IQSEC1: variants seen among roughly 807,000 people sequenced by gnomAD.
IQSEC1 encodes IQ motif and SEC7 domain-containing protein 1.
A neutral mutation model predicts 91.0 loss-of-function variants in IQSEC1; 31 were observed. That is an observed-to-expected ratio of 0.34 (90% CI 0.26 to 0.46). The LOEUF is 0.46. Ranked by LOEUF, IQSEC1 falls within the 20% of genes least tolerant of loss-of-function variation. The pLI is 1.00. For missense variants in IQSEC1, 1,388 were observed against 1,575.6 expected (o/e 0.88, Z 2.02); for synonymous variants, 699 against 662.6 (o/e 1.05, Z -0.84).
intron 1 of IQSEC1, among the ~76,000 whole-genome samples, chr3:13,205,810 A>C: frequency 6.9e-6 from 1 of 145,728 alleles, no homozygotes; most frequent in Non-Finnish European, 1.5e-5. Flanking sequence ...CCACCCATCC[A>C]TCCTTCCATC....
chr3:13,152,089 C>G (rs772738701), intron 2 of IQSEC1, among the ~76,000 whole-genome samples: 1 of 152,214 alleles, frequency 6.6e-6, no homozygotes, highest in Non-Finnish European at 1.5e-5. Flanking sequence ...TCCCAAATAT[C>G]TAATTAGCAA....
At chr3:12,997,352 T>C (rs1043161533) in intron 1 of IQSEC1, among the ~76,000 whole-genome samples, 6 of 152,236 alleles carry the variant, frequency 3.9e-5, no homozygotes, top group Non-Finnish European at 5.9e-5. Context: ...ATGGAATGGA[T>C]ATGTGAGGCG....
intron 6 of IQSEC1, among the ~76,000 whole-genome samples, chr3:12,917,799 A>G (rs548877877): frequency 6.6e-6 from 1 of 152,350 alleles, no homozygotes; most frequent in South Asian, 2.1e-4. Flanking sequence ...CTGGCTTTCA[A>G]ACTATGTGAA....
At position 13,233,982 on chromosome 3, in the gene IQSEC1, A is replaced by C. The variant is rs376418105; in HGVS notation, c.272+48729T>G. Reference sequence around the variant, plus strand: ...AGGCCAGGCAGGTGAGTGCTGTTGAAGTGGGGGCTGCTGCAATGACTGACA... The same window carrying C: ...AGGCCAGGCAGGTGAGTGCTGTTGACGTGGGGGCTGCTGCAATGACTGACA... On this transcript the variant is annotated intron_variant, in intron 1 of 15. Coordinates refer to the IQSEC1 transcript ENST00000648114. Among the ~76,000 whole-genome samples, 21 of 152,336 alleles carry C rather than the reference A, an allele frequency of 1.4e-4. 2 individuals are homozygous for C. The highest frequency in any genetic ancestry group is 8.5e-4 in the Admixed American group (13 of 15,302).
chr3:12,943,294 C>G (rs1008153992), intron 1 of IQSEC1, among the ~76,000 whole-genome samples: 2 of 152,220 alleles, frequency 1.3e-5, no homozygotes, highest in Non-Finnish European at 2.9e-5. Context: ...GGGAGCAGTG[C>G]CCCTGGTGGG....
In IQSEC1 at chr3:13,282,607, G is replaced by T. The variant is rs1411021801; in HGVS notation, c.272+104C>A. 6.6e-5 allele frequency among the ~76,000 whole-genome samples: 10 copies of T among 151,648 alleles called. No individual in the cohort carries two copies. The highest frequency in any genetic ancestry group is 9.7e-5 in the African/African-American group (4 of 41,338). On this transcript the variant is annotated intron_variant, in intron 1 of 15. Transcript: ENST00000648114. The surrounding 1 kb of genome is among the most constrained non-coding windows in gnomAD (Gnocchi z 6.4). ...GTGGGCGCTCCCGGGCCGGCCACGC[G>T]CCCTCCCGCACCCGCCCACCTCCCC...
chr3:13,173,007 A>G (rs9822701), intron 1 of IQSEC1, among the ~76,000 whole-genome samples: 33,855 of 152,104 alleles, frequency 0.22, 5,264 homozygotes, highest in African/African-American at 0.44. Context: ...ATTTCAGGAG[A>G]AAGGAAAAAA....
At chr3:12,969,043 C>T (rs188461010) in intron 1 of IQSEC1, among the ~76,000 whole-genome samples, 3 of 152,322 alleles carry the variant, frequency 2.0e-5, no homozygotes, top group African/African-American at 7.2e-5. Flanking sequence ...GGTTCCGAGG[C>T]AAGAGGCTGA....
At chr3:12,945,976 C>T (rs1559658645) in intron 1 of IQSEC1, among the ~76,000 whole-genome samples, 2 of 152,200 alleles carry the variant, frequency 1.3e-5, no homozygotes, top group African/African-American at 4.8e-5. Context: ...ACACTCTGGG[C>T]TCTCAGCCCC....
chr3:13,072,185 G>A lies in IQSEC1; in HGVS notation c.23+807C>T, dbSNP rs1231809019. Reference sequence around the variant, plus strand: ...CACAGCCCCAAATGAGTGGGTCCTGGGCAAATAGTTTAGGCAGGTGGAGAC... The same window carrying A: ...CACAGCCCCAAATGAGTGGGTCCTGAGCAAATAGTTTAGGCAGGTGGAGAC... On this transcript the variant is annotated intron_variant, in intron 1 of 13. Transcript: ENST00000613206. 2.0e-5 allele frequency among the ~76,000 whole-genome samples: 3 copies of A among 152,222 alleles called. No individual in the cohort carries two copies. In the South Asian group the frequency reaches 6.2e-4, roughly 32 times the overall value.
intron 1 of IQSEC1, chr3:12,995,263 G>C (rs901281413): frequency 1.4e-4 from 22 of 152,308 alleles, no homozygotes; most frequent in Non-Finnish European, 1.5e-5. Flanking sequence ...CTGCCACGAG[G>C]GGCTGTGTGA....
chr3:12,927,392 C>T, intron 3 of IQSEC1, among the ~76,000 whole-genome samples: 1 of 149,586 alleles, frequency 6.7e-6, no homozygotes, highest in Admixed American at 6.6e-5. Context: ...TGGTCCCTTC[C>T]CCACACAGGT....
intron 1 of IQSEC1, among the ~76,000 whole-genome samples, chr3:13,262,535 C>G (rs893550631): frequency 1.3e-5 from 2 of 152,188 alleles, no homozygotes; most frequent in African/African-American, 4.8e-5. Context: ...CCACATCACC[C>G]CAGCACCCAG....
At chr3:13,108,951 C>G (rs1706197139) in intron 2 of IQSEC1, among the ~76,000 whole-genome samples, 1 of 152,188 alleles carries the variant, frequency 6.6e-6, no homozygotes, top group Non-Finnish European at 1.5e-5. Context: ...GACAGGACAT[C>G]AGTCAGAGAC....
chr3:13,107,490 C>A (rs1706170279), intron 2 of IQSEC1, among the ~76,000 whole-genome samples: 1 of 152,226 alleles, frequency 6.6e-6, no homozygotes, highest in African/African-American at 2.4e-5. Flanking sequence ...CATGGAGAAA[C>A]AGGCTCAGAG....
chr3:13,122,571 C>T (rs1290747222), intron 2 of IQSEC1, among the ~76,000 whole-genome samples: 1 of 152,138 alleles, frequency 6.6e-6, no homozygotes, highest in Non-Finnish European at 1.5e-5. Flanking sequence ...AGGAGACACA[C>T]GGAGTGAGGT....
intron 1 of IQSEC1, among the ~76,000 whole-genome samples, chr3:12,978,539 T>TAA (rs888169228): frequency 6.6e-6 from 1 of 150,914 alleles, no homozygotes; most frequent in African/African-American, 2.4e-5. Context: ...TCTACTAAAA[T>TAA]AAAAAAAACT....
chr3:13,260,133 G>A (rs931609193), intron 1 of IQSEC1, among the ~76,000 whole-genome samples: 1 of 152,230 alleles, frequency 6.6e-6, no homozygotes, highest in Non-Finnish European at 1.5e-5. Flanking sequence ...TGAGAAAAGA[G>A]AGTGAGGGAG....
intron 1 of IQSEC1, among the ~76,000 whole-genome samples, chr3:12,943,696 C>T (rs1698964058): frequency 6.6e-6 from 1 of 152,230 alleles, no homozygotes; most frequent in African/African-American, 2.4e-5. Flanking sequence ...CTCTGCTGCT[C>T]CTCACGAGGC....
Sources: allele counts gnomAD v4.1 joint callset (sites outside exome capture counted in the v4.1 genomes callset), GRCh38; gene constraint gnomAD v4.1.1; non-coding constraint Gnocchi (gnomAD v3.1); transcripts MANE v1.5; gene names NCBI Gene and HGNC (gene_info 2026-07-23, HGNC 2026-07-21).